MCMDC2: variants seen among roughly 807,000 people sequenced by gnomAD.
The protein encoded by MCMDC2 is minichromosome maintenance domain-containing protein 2.
A neutral mutation model predicts 75.8 loss-of-function variants in MCMDC2; 54 were observed. That is an observed-to-expected ratio of 0.71 (90% confidence interval 0.57 to 0.89). The LOEUF (loss-of-function observed/expected upper bound fraction) is 0.89, where lower values mean the gene tolerates loss of function less well. MCMDC2 is among the 40% of genes least tolerant of loss of function. The probability of loss-of-function intolerance (pLI) is 0.00; values close to 1 mark genes in which losing one functional copy is unlikely to be tolerated. For missense variants in MCMDC2, 656 were observed against 780.4 expected, an observed-to-expected ratio of 0.84 and a Z score of 1.90; for synonymous variants, 249 against 274.6, an observed-to-expected ratio of 0.91 and a Z score of 0.92.
intron 14 of MCMDC2, among the ~76,000 whole-genome samples, chr8:66,910,991 TG>T (rs1016765508): frequency 3.3e-5 from 5 of 152,338 alleles, no homozygotes; most frequent in Middle Eastern, 3.4e-3. Context: ...GAAAAGGACT[TG>T]CCTTATCTCA....
chr8:66,918,991 T>G lies in MCMDC2; in HGVS notation c.1880-12T>G. 6.7e-7 allele frequency: 1 copy of G among 1,492,494 alleles called. No individual in the cohort carries two copies. The highest frequency in any genetic ancestry group is 1.3e-5 in the South Asian group (1 of 74,130). 92.5% of individuals were successfully genotyped at this position (1,492,494 alleles called of 1,614,324 possible). A position where few individuals can be genotyped will look rare whatever the true frequency, so the allele number is the denominator to read the frequency against. On this transcript the variant is annotated splice_polypyrimidine_tract_variant and intron_variant, in intron 14 of 14. Transcript: ENST00000422365. Reference sequence around the variant, plus strand: ...TATTTGTCATTTACACTCTATTATCTTCTTCATTTAGGGGCCACTGTATTT... The same window carrying G: ...TATTTGTCATTTACACTCTATTATCGTCTTCATTTAGGGGCCACTGTATTT...
chr8:66,926,295 G>C (rs1337582929), downstream of MCMDC2: 1 of 152,166 alleles, frequency 6.6e-6, no homozygotes, highest in African/African-American at 2.4e-5. Context: ...AAAGCACTGG[G>C]CTTGATGCTG....
intron 9 of MCMDC2, among the ~76,000 whole-genome samples, chr8:66,887,793 A>C (rs1811914363): frequency 6.6e-6 from 1 of 152,164 alleles, no homozygotes; most frequent in African/African-American, 2.4e-5. Flanking sequence ...ATTTTTCCAC[A>C]CTAATTGTTG....
intron 5 of MCMDC2, among the ~76,000 whole-genome samples, chr8:66,877,894 T>G (rs1045025297): frequency 6.6e-6 from 1 of 151,794 alleles, no homozygotes. Context: ...ATTGAACAAT[T>G]TATTGTTTAA....
In MCMDC2 at chr8:66,887,856, A is replaced by G. The variant is rs569630330; in HGVS notation, c.1074-3009A>G. Among the ~76,000 whole-genome samples the G allele has an allele frequency of 1.7e-4, 26 of 152,252 alleles. 1 individual carries two copies. Among genetic ancestry groups the G allele is most frequent in the South Asian group, 1.2e-3 (6 of 4,822 alleles). ...GTTTTGATACCATTGTTCAAATTCAATTGAACTAGGCAGAATCAGGGTATA... is the reference window on the plus strand; with the variant it reads ...GTTTTGATACCATTGTTCAAATTCAGTTGAACTAGGCAGAATCAGGGTATA... On this transcript the variant is annotated intron_variant, in intron 9 of 14. Coordinates refer to ENST00000422365, the MANE Select transcript of MCMDC2 (RefSeq NM_173518.5).
chr8:66,887,944 T>C (rs1351997833), intron 9 of MCMDC2, among the ~76,000 whole-genome samples: 1 of 152,254 alleles, frequency 6.6e-6, no homozygotes, highest in Non-Finnish European at 1.5e-5. Flanking sequence ...TATTGTTCTA[T>C]ACTTATACCA....
In MCMDC2 at chr8:66,883,915, C is replaced by T; in HGVS notation, c.994C>T (p.Gln332Ter). 1.9e-6 allele frequency: 3 copies of T among 1,613,962 alleles called. No individual in the cohort carries two copies. The highest frequency in any genetic ancestry group is 2.5e-6 in the Non-Finnish European group (3 of 1,179,962). Residue 332 changes from glutamine to a stop codon, truncating the protein, a stop_gained, in exon 9 of 15, where the codon CAG (glutamine) becomes TAG (stop). Transcript: ENST00000422365. LOFTEE classifies it high-confidence loss of function. The part of the protein sequence containing the change: ...LKLCLLMSLV[Q>*]TTDRNKELED... ...GCTCTGTTTGTTGATGAGTCTAGTA[C>T]AGACAACTGACCGTAACAAGGAACT...
chr8:66,910,665 C>T (rs901720023), intron 14 of MCMDC2, among the ~76,000 whole-genome samples: 3 of 152,078 alleles, frequency 2.0e-5, no homozygotes, highest in Non-Finnish European at 4.4e-5. Context: ...CAAAATTAGC[C>T]GGGCATGGTG....
intron 14 of MCMDC2, among the ~76,000 whole-genome samples, chr8:66,908,342 CTTGT>C (rs1812984134): frequency 6.6e-6 from 1 of 152,092 alleles, no homozygotes; most frequent in East Asian, 1.9e-4. Context: ...TTCCCCATTG[CTTGT>C]TTTTTGTCAG....
intron 13 of MCMDC2, among the ~76,000 whole-genome samples, chr8:66,903,834 A>G (rs1812801712): frequency 6.6e-6 from 1 of 152,188 alleles, no homozygotes; most frequent in South Asian, 2.1e-4. Flanking sequence ...GGATGAGGAT[A>G]TCAGAGACAT....
At chr8:66,881,152 A>G (rs1020190633) in intron 8 of MCMDC2, among the ~76,000 whole-genome samples, 178 bp downstream of exon 8, 3 of 152,244 alleles carry the variant, frequency 2.0e-5, no homozygotes, top group Non-Finnish European at 4.4e-5. Flanking sequence ...CAATATACAT[A>G]TAAAGTAAGC....
At chr8:66,878,116 C>T (rs1489896538) in intron 5 of MCMDC2, among the ~76,000 whole-genome samples, 7 of 151,956 alleles carry the variant, frequency 4.6e-5, no homozygotes, top group Non-Finnish European at 7.3e-5. Flanking sequence ...GTGAGTGAAA[C>T]GTTTAATGTC....
chr8:66,917,916 T>C (rs1203615973), intron 14 of MCMDC2, among the ~76,000 whole-genome samples: 2 of 152,242 alleles, frequency 1.3e-5, no homozygotes, highest in Non-Finnish European at 2.9e-5. Context: ...CTTTTGGGTA[T>C]ATACCCAGAA....
At chr8:66,900,301 G>C (rs1812593118) in intron 12 of MCMDC2, among the ~76,000 whole-genome samples, 1 of 151,944 alleles carries the variant, frequency 6.6e-6, no homozygotes, top group Non-Finnish European at 1.5e-5. Context: ...AGCTAGGCGT[G>C]GTGGTACGCG....
intron 9 of MCMDC2, among the ~76,000 whole-genome samples, chr8:66,890,398 T>TA (rs35211829): frequency 1.3e-5 from 2 of 152,020 alleles, no homozygotes; most frequent in East Asian, 3.8e-4. Flanking sequence ...TTTTTTTTTT[T>TA]ACACGGAGTC....
chr8:66,873,124 C>T (rs1331145105), intron 1 of MCMDC2, among the ~76,000 whole-genome samples: 7 of 152,186 alleles, frequency 4.6e-5, no homozygotes, highest in Admixed American at 4.6e-4. Flanking sequence ...CCTGTTACAA[C>T]TACTGACATA....
intron 12 of MCMDC2, among the ~76,000 whole-genome samples, chr8:66,898,726 A>G (rs1374434291): frequency 2.0e-5 from 3 of 152,188 alleles, no homozygotes; most frequent in Non-Finnish European, 2.9e-5. Context: ...AGAAAGGAAG[A>G]TACCCATGTA....
chr8:66,883,620 C>A (rs1450544724), intron 8 of MCMDC2, 137 bp from the exon 9 acceptor site: 8 of 600,560 alleles, frequency 1.3e-5, no homozygotes, highest in Non-Finnish European at 2.3e-5. Context: ...ATAACAAGAT[C>A]CTGTCTCAAA....
intron 14 of MCMDC2, among the ~76,000 whole-genome samples, chr8:66,910,251 T>C (rs778449035): frequency 4.6e-5 from 7 of 152,190 alleles, no homozygotes; most frequent in Non-Finnish European, 1.0e-4. Context: ...CCCACACACA[T>C]AGTCCCCACT....
Sources: gnomAD v4.1 joint callset for allele counts (sites outside exome capture counted in the v4.1 genomes callset) on GRCh38, gnomAD v4.1.1 for gene constraint, MANE v1.5 for transcripts, NCBI Gene and HGNC (gene_info 2026-07-23, HGNC 2026-07-21) for gene names.